The following SEMA3A variants were observed in gnomAD, a reference collection of about 807,000 sequenced individuals.
SEMA3A encodes the protein semaphorin-3A.
In SEMA3A, 29 loss-of-function variants were observed where a neutral mutation model predicts 97.9. The ratio of observed to expected loss-of-function variants is 0.30; its 90% confidence interval spans 0.22 to 0.40. SEMA3A has a LOEUF of 0.40. SEMA3A is among the 10% of genes least tolerant of loss of function. The probability of loss-of-function intolerance (pLI) is 1.00; values close to 1 mark genes in which losing one functional copy is unlikely to be tolerated. For synonymous variants in SEMA3A, 321 were observed against 323.7 expected (o/e 0.99, Z 0.09); for missense variants, 763 against 951.3 (o/e 0.80, Z 2.60).
intron 1 of SEMA3A, among the ~76,000 whole-genome samples, chr7:84,440,181 C>A (rs1364743154): frequency 6.6e-6 from 1 of 152,188 alleles, no homozygotes; most frequent in Non-Finnish European, 1.5e-5. Flanking sequence ...CATAATCTGT[C>A]AGATGTAACT....
rs1432479907 is a variant in SEMA3A, at chr7:84,424,634, CAA to C, written c.-245-52736_-245-52735del. ...TATAATATAATATATAATATATATACAATATATATTATATTTATATATTATAT... is the reference window on the plus strand; with the variant it reads ...TATAATATAATATATAATATATATACTATATATTATATTTATATATTATAT... On this transcript the variant is annotated intron_variant, in intron 1 of 3. Coordinates refer to the SEMA3A transcript ENST00000424555. Among the ~76,000 whole-genome samples the C allele has an allele frequency of 3.9e-4, 28 of 70,890 alleles. No individual in the cohort carries two copies. In the South Asian group the frequency reaches 0.011, roughly 27 times the overall value. 46.5% of individuals were successfully genotyped at this position (70,890 alleles called of 152,430 possible).
chr7:84,055,082 C>A (rs566211338), intron 5 of SEMA3A, among the ~76,000 whole-genome samples: 2 of 151,964 alleles, frequency 1.3e-5, no homozygotes, highest in Non-Finnish European at 2.9e-5. Flanking sequence ...CAGCTGCGTG[C>A]TGGGAGAACC....
chr7:84,275,998 G>T (rs985702113), intron 3 of SEMA3A, among the ~76,000 whole-genome samples: 2 of 151,746 alleles, frequency 1.3e-5, no homozygotes, highest in Non-Finnish European at 2.9e-5. Flanking sequence ...ACAAAATATT[G>T]TCCTGCTCAT....
intron 11 of SEMA3A, 105 bp from the exon 12 acceptor site, chr7:84,002,151 G>C (rs181389092): frequency 6.5e-6 from 4 of 612,580 alleles, no homozygotes; most frequent in Admixed American, 6.8e-5. Context: ...CTTTGATATC[G>C]GTCTTCCTTT....
intron 1 of SEMA3A, among the ~76,000 whole-genome samples, chr7:84,405,587 T>C (rs1804057120): frequency 1.3e-5 from 2 of 152,128 alleles, no homozygotes; most frequent in Admixed American, 6.5e-5. Context: ...ATCAACAGAA[T>C]ATGCATTCTT....
At chr7:84,075,255 C>A (rs1243119685) in intron 4 of SEMA3A, among the ~76,000 whole-genome samples, 3 of 149,502 alleles carry the variant, frequency 2.0e-5, no homozygotes, top group Non-Finnish European at 4.4e-5. Context: ...CTCACTGTAA[C>A]CTCCACCTCC....
At chr7:84,126,603 A>T (rs961101065) in intron 3 of SEMA3A, among the ~76,000 whole-genome samples, 1 of 152,204 alleles carries the variant, frequency 6.6e-6, no homozygotes, top group Admixed American at 6.5e-5. Flanking sequence ...AAAGCTATAA[A>T]TAGGTAAATT....
chr7:84,392,436 A>G (rs925671425), intron 1 of SEMA3A, among the ~76,000 whole-genome samples: 1 of 152,088 alleles, frequency 6.6e-6, no homozygotes, highest in African/African-American at 2.4e-5. Flanking sequence ...TCCATTGGGG[A>G]TATATACCAC....
At chr7:84,413,964 T>C (rs1285684886) in intron 1 of SEMA3A, among the ~76,000 whole-genome samples, 2 of 152,082 alleles carry the variant, frequency 1.3e-5, no homozygotes, top group East Asian at 1.9e-4. Flanking sequence ...ATGAAGTATG[T>C]ATTATTATTC....
chr7:84,042,075 A>C (rs1190443313), intron 6 of SEMA3A, among the ~76,000 whole-genome samples: 1 of 152,086 alleles, frequency 6.6e-6, no homozygotes, highest in Non-Finnish European at 1.5e-5. Context: ...GTTTATTTGC[A>C]GTCATATGTT....
In SEMA3A at chr7:84,274,493, G is replaced by A. The variant is rs530979670; in HGVS notation, c.-83+32714C>T. On this transcript the variant is annotated intron_variant, in intron 3 of 3. Transcript: ENST00000424555. ...ATTCCCAGGCTGAAAGGGGTTGCCCGGAACAATTAAGCATGGGCTAAGAGT... is the reference window on the plus strand; with the variant it reads ...ATTCCCAGGCTGAAAGGGGTTGCCCAGAACAATTAAGCATGGGCTAAGAGT... Among the ~76,000 whole-genome samples the A allele has an allele frequency of 1.4e-4, 21 of 152,192 alleles. No individual in the cohort carries two copies. In the South Asian group the frequency reaches 1.4e-3, roughly 10 times the overall value.
chr7:84,443,662 C>G (rs930244884), intron 1 of SEMA3A, among the ~76,000 whole-genome samples: 1 of 152,106 alleles, frequency 6.6e-6, no homozygotes, highest in South Asian at 2.1e-4. Flanking sequence ...TCAGGTGAAG[C>G]TTTCATGGTT....
chr7:84,266,932 T>C (rs1054330797), intron 3 of SEMA3A, among the ~76,000 whole-genome samples: 3 of 152,160 alleles, frequency 2.0e-5, no homozygotes, highest in Non-Finnish European at 1.5e-5. Context: ...TTTATGGAAA[T>C]CGTTTTATAT....
At chr7:83,973,058 T>C (rs1208043281) in intron 15 of SEMA3A, among the ~76,000 whole-genome samples, 4 of 152,126 alleles carry the variant, frequency 2.6e-5, no homozygotes, top group Non-Finnish European at 5.9e-5. Flanking sequence ...TTGAAGTTGC[T>C]TTTTTCTAGG....
chr7:84,062,597 C>T (rs1223357025), intron 4 of SEMA3A, among the ~76,000 whole-genome samples: 3 of 152,198 alleles, frequency 2.0e-5, no homozygotes, highest in African/African-American at 7.2e-5. Context: ...CGAGGCATTG[C>T]CTCACTTGGG....
At chr7:84,355,314 T>A (rs62472597) in intron 2 of SEMA3A, among the ~76,000 whole-genome samples, 9,693 of 151,914 alleles carry the variant, frequency 0.064, 360 homozygotes, top group East Asian at 0.13. Flanking sequence ...CCAAAATACA[T>A]GTTCCTCCTC....
intron 13 of SEMA3A, among the ~76,000 whole-genome samples, chr7:83,983,683 A>G (rs1789514703): frequency 6.6e-6 from 1 of 152,142 alleles, no homozygotes; most frequent in Non-Finnish European, 1.5e-5. Context: ...CAGTATTATT[A>G]ATGAAGTGCA....
chr7:84,334,901 C>G lies in SEMA3A; in HGVS notation c.-168-27609G>C, dbSNP rs28544484. ...CCTAAGTCCCACGCCTCATTTTCTACTTAGACTACCCCCTCATTTTCTACT... is the reference window on the plus strand; with the variant it reads ...CCTAAGTCCCACGCCTCATTTTCTAGTTAGACTACCCCCTCATTTTCTACT... On this transcript the variant is annotated intron_variant, in intron 2 of 3. Transcript: ENST00000424555. 7.0e-3 allele frequency among the ~76,000 whole-genome samples: 1,027 copies of G among 146,836 alleles called. 14 individuals carry two copies. Among genetic ancestry groups the G allele is most frequent in the African/African-American group, 0.024 (957 of 40,450 alleles).
At chr7:84,250,977 A>ATT (rs1345010633) in intron 3 of SEMA3A, among the ~76,000 whole-genome samples, 1 of 152,106 alleles carries the variant, frequency 6.6e-6, no homozygotes, top group South Asian at 2.1e-4. Flanking sequence ...TCAAGAGTCA[A>ATT]TTTTTTCTTA....
Sources: gnomAD v4.1 joint callset for allele counts (sites outside exome capture counted in the v4.1 genomes callset) on GRCh38, gnomAD v4.1.1 for gene constraint, MANE v1.5 for transcripts, NCBI Gene and HGNC (gene_info 2026-07-23, HGNC 2026-07-21) for gene names.